RALYL: variants seen among roughly 807,000 people sequenced by gnomAD.
The protein encoded by RALYL is RNA-binding Raly-like protein.
In RALYL, 29 loss-of-function variants were observed where a neutral mutation model predicts 35.1. The ratio of observed to expected loss-of-function variants is 0.83; its 90% CI spans 0.61 to 1.13. RALYL has a LOEUF of 1.13. Among genes scored for constraint, RALYL ranks in the 50% most tolerant of loss-of-function variants. The pLI is 0.00. For synonymous variants in RALYL, 120 were observed against 127.6 expected (o/e 0.94, Z 0.40); for missense variants, 359 against 360.4 (o/e 1.00, Z 0.03).
chr8:84,339,164 T>A (rs1190429164), intron 1 of RALYL, among the ~76,000 whole-genome samples: 2 of 152,016 alleles, frequency 1.3e-5, no homozygotes, highest in African/African-American at 4.8e-5. Context: ...TCTTAGTTTT[T>A]TGCATAAATT....
intron 2 of RALYL, among the ~76,000 whole-genome samples, chr8:84,687,749 T>G (rs1837123258): frequency 6.6e-6 from 1 of 152,230 alleles, no homozygotes; most frequent in African/African-American, 2.4e-5. Flanking sequence ...TCTGCAAAAA[T>G]TCTGTAATTT....
At chr8:84,326,208 A>T (rs2130567842) in intron 1 of RALYL, among the ~76,000 whole-genome samples, 1 of 152,342 alleles carries the variant, frequency 6.6e-6, no homozygotes. Context: ...TATGCACATT[A>T]TAGTGTCATA....
At chr8:84,278,103 C>T (rs1563656648) in intron 1 of RALYL, among the ~76,000 whole-genome samples, 1 of 152,250 alleles carries the variant, frequency 6.6e-6, no homozygotes, top group Non-Finnish European at 1.5e-5. Context: ...GCCCCTGCAG[C>T]AAACTTCTGC....
At chr8:84,262,878 G>C (rs1832577697) in intron 1 of RALYL, among the ~76,000 whole-genome samples, 1 of 152,098 alleles carries the variant, frequency 6.6e-6, no homozygotes, top group Non-Finnish European at 1.5e-5. Context: ...TCTATGTGTG[G>C]TTGGTCACTG....
intron 2 of RALYL, among the ~76,000 whole-genome samples, chr8:84,574,644 T>C (rs1808875368): frequency 1.3e-5 from 2 of 152,146 alleles, no homozygotes; most frequent in African/African-American, 4.8e-5. Context: ...CACATGTTTC[T>C]TGTCTCTGTT....
At chr8:84,708,857 C>T (rs571665455) in intron 2 of RALYL, among the ~76,000 whole-genome samples, 67 of 152,088 alleles carry the variant, frequency 4.4e-4, no homozygotes, top group Non-Finnish European at 8.2e-4. Flanking sequence ...AAAACACTGA[C>T]GTAGAGGAAA....
intron 2 of RALYL, among the ~76,000 whole-genome samples, chr8:84,664,274 T>C (rs1307684884): frequency 2.0e-5 from 3 of 149,254 alleles, no homozygotes; most frequent in South Asian, 2.1e-4. Flanking sequence ...TTTTTTTTTT[T>C]TTTTTTTTTT....
At chr8:84,305,675 G>T (rs572642371) in intron 1 of RALYL, among the ~76,000 whole-genome samples, 82 of 152,182 alleles carry the variant, frequency 5.4e-4, no homozygotes, top group African/African-American at 1.9e-3. Flanking sequence ...CCCTCTTCCG[G>T]TCTCATCCCC....
intron 1 of RALYL, among the ~76,000 whole-genome samples, chr8:84,315,454 A>C (rs951841647): frequency 1.3e-5 from 2 of 152,186 alleles, no homozygotes; most frequent in African/African-American, 4.8e-5. Context: ...ATATATCTAC[A>C]TACAAGAGAC....
intron 8 of RALYL, among the ~76,000 whole-genome samples, chr8:84,892,700 A>AT (rs555459354): frequency 8.6e-4 from 130 of 151,984 alleles, no homozygotes; most frequent in African/African-American, 2.8e-3. Context: ...TTAAAGTATA[A>AT]TAAAAAAAAA....
At chr8:84,235,573 T>C (rs1826334014) in intron 1 of RALYL, among the ~76,000 whole-genome samples, 1 of 152,162 alleles carries the variant, frequency 6.6e-6, no homozygotes, top group Non-Finnish European at 1.5e-5. Flanking sequence ...ATATAAATCA[T>C]AGAAGAAGAA....
chr8:84,523,330 T>C (rs1314285508), intron 1 of RALYL, among the ~76,000 whole-genome samples: 2 of 151,736 alleles, frequency 1.3e-5, no homozygotes, highest in Non-Finnish European at 2.9e-5. Flanking sequence ...ATGAGACTTA[T>C]TCATGAGAAC....
At chr8:84,679,059 C>A in intron 2 of RALYL, 3 of 308,980 alleles carry the variant, frequency 9.7e-6, no homozygotes, top group East Asian at 8.1e-5. Context: ...AGCAAATGCT[C>A]CAGGGTGAAC....
chr8:84,341,466 CT>C (rs1333671867), intron 1 of RALYL, among the ~76,000 whole-genome samples: 1 of 151,862 alleles, frequency 6.6e-6, no homozygotes, highest in African/African-American at 2.4e-5. Flanking sequence ...CCCTTAGCCC[CT>C]GATACATAGT....
At chr8:84,413,178 G>A (rs992041465) in intron 1 of RALYL, among the ~76,000 whole-genome samples, 1 of 150,482 alleles carries the variant, frequency 6.6e-6, no homozygotes, top group African/African-American at 2.4e-5. Flanking sequence ...TAATTTAGAG[G>A]TCTCAAATAA....
At chr8:84,861,365 G>A (rs1286277052) in intron 5 of RALYL, among the ~76,000 whole-genome samples, 2 of 151,996 alleles carry the variant, frequency 1.3e-5, no homozygotes, top group African/African-American at 4.8e-5. Flanking sequence ...TTGTATATGT[G>A]GATGCAGTAC....
intron 1 of RALYL, among the ~76,000 whole-genome samples, chr8:84,235,828 G>T (rs543279442): frequency 7.0e-6 from 1 of 143,770 alleles, no homozygotes; most frequent in African/African-American, 2.6e-5. Flanking sequence ...GTGCAGTGGT[G>T]CGATCTCGGC....
intron 1 of RALYL, among the ~76,000 whole-genome samples, chr8:84,210,786 G>T (rs1409010619): frequency 6.6e-6 from 1 of 151,940 alleles, no homozygotes; most frequent in Non-Finnish European, 1.5e-5. Context: ...TGTACAAGAG[G>T]CAAATACACA....
intron 1 of RALYL, among the ~76,000 whole-genome samples, chr8:84,195,578 G>A (rs1232755513): frequency 6.6e-6 from 1 of 152,176 alleles, no homozygotes; most frequent in African/African-American, 2.4e-5. Context: ...AAGTAAAGAT[G>A]ATTGCTTGTA....
Sources: gnomAD v4.1 joint callset for allele counts (sites outside exome capture counted in the v4.1 genomes callset) on GRCh38, gnomAD v4.1.1 for gene constraint, MANE v1.5 for transcripts, NCBI Gene and HGNC (gene_info 2026-07-23, HGNC 2026-07-21) for gene names.